Variants in ZFP64 observed in about 807,000 individuals in gnomAD.
ZFP64 encodes the protein zinc finger protein 64.
A neutral mutation model predicts 51.6 loss-of-function variants in ZFP64; 14 were observed. The observed-to-expected ratio is 0.27, with a 90% CI of 0.18 to 0.42. ZFP64 has a LOEUF of 0.42. Among genes scored for constraint, ZFP64 ranks in the 10% least tolerant of loss-of-function variants. ZFP64 has a pLI of 1.00. For synonymous variants in ZFP64, 375 were observed against 361.4 expected (o/e 1.04, Z -0.43); for missense variants, 754 against 906.8 (o/e 0.83, Z 2.16).
intron 8 of ZFP64, among the ~76,000 whole-genome samples, chr20:52,086,846 A>G (rs894848490): frequency 2.6e-5 from 4 of 152,192 alleles, no homozygotes. Flanking sequence ...TTTCTATACA[A>G]GTATCAGCCT....
intron 2 of ZFP64, among the ~76,000 whole-genome samples, chr20:52,176,976 C>T (rs565182185): frequency 1.5e-3 from 235 of 152,298 alleles, no homozygotes; most frequent in Non-Finnish European, 2.8e-3. Context: ...TTGCCCTATA[C>T]TGGGACTTCA....
intron 6 of ZFP64, among the ~76,000 whole-genome samples, chr20:52,097,871 C>G (rs925040676): frequency 3.8e-4 from 57 of 149,946 alleles, no homozygotes; most frequent in Non-Finnish European, 7.4e-5. Context: ...AAGTTTGAGA[C>G]CAGCCTGGGT....
chr20:52,097,517 C>T (rs2079002535), intron 6 of ZFP64: 2 of 1,324,686 alleles, frequency 1.5e-6, no homozygotes, highest in Non-Finnish European at 1.0e-6. Context: ...TGCAGTGGCT[C>T]CATCTCGGCT....
In ZFP64 at chr20:52,101,123, A is replaced by G. The variant is rs1166367656; in HGVS notation, c.764-2536T>C. 2.0e-5 allele frequency among the ~76,000 whole-genome samples: 3 copies of G among 152,192 alleles called. No homozygotes were observed. In the East Asian group the frequency reaches 5.8e-4, roughly 29 times the overall value. Reference sequence around the variant, plus strand: ...GGCCAGGGATGCTGCTAGACATCCTATAGGGCATAGGACAGCCCCCACAAG... The same window carrying G: ...GGCCAGGGATGCTGCTAGACATCCTGTAGGGCATAGGACAGCCCCCACAAG... On this transcript the variant is annotated intron_variant, in intron 5 of 8. Transcript: ENST00000361387.
chr20:52,189,165 C>T (rs917534659), intron 1 of ZFP64, among the ~76,000 whole-genome samples: 1 of 151,970 alleles, frequency 6.6e-6, no homozygotes, highest in Non-Finnish European at 1.5e-5. Context: ...CTTTGGGAAG[C>T]CGAGATGGGT....
chr20:52,105,164 G>A (rs376649924), intron 5 of ZFP64: 518 of 1,450,982 alleles, frequency 3.6e-4, no homozygotes, highest in Non-Finnish European at 4.4e-4. Context: ...GGCCACCTCC[G>A]CACACTCCCG....
At chr20:52,111,073 C>T (rs1017955589) in intron 5 of ZFP64, 8 of 1,154,624 alleles carry the variant, frequency 6.9e-6, no homozygotes, top group Non-Finnish European at 1.0e-5. Flanking sequence ...GAGCAGGAAG[C>T]CCAGGAGAAG....
rs1171060190 is a variant in ZFP64, at chr20:52,102,135, C to A, written c.764-3548G>T. 5.2e-5 allele frequency among the ~76,000 whole-genome samples: 6 copies of A among 115,756 alleles called. No homozygotes were observed. The East Asian group carries it at 1.2e-3, about 24-fold the overall frequency. The allele number at this position is 115,756 out of a possible 152,430, so 75.9% of individuals were successfully genotyped here. On this transcript the variant is annotated intron_variant, in intron 5 of 8. Coordinates refer to the ZFP64 transcript ENST00000361387. The stretch of plus-strand genomic sequence containing the variant: ...AAAAAAAAAAAAAAAAGGCAGCAGT[C>A]TCAGGCCCTACTCCAGACTTACAGA...
Position 52,151,647 on chromosome 20 carries a change from T to C in ZFP64, c.*499A>G. 1 of 990,804 alleles carries C rather than the reference T, an allele frequency of 1.0e-6. No homozygotes were observed. The highest frequency in any genetic ancestry group is 1.2e-6 in the Non-Finnish European group (1 of 832,832). 61.4% of individuals were successfully genotyped at this position (990,804 alleles called of 1,614,324 possible). A position where few individuals can be genotyped will look rare whatever the true frequency, so the allele number is the denominator to read the frequency against. On this transcript the variant is annotated 3_prime_UTR_variant, in exon 6 of 6. Transcript: ENST00000216923. Reference sequence around the variant, plus strand: ...TTCTACAACAGTTATAATGCGACGATTCAGAGGTGGTCTCAAAGTTGTTAC... The same window carrying C: ...TTCTACAACAGTTATAATGCGACGACTCAGAGGTGGTCTCAAAGTTGTTAC...
At chr20:52,132,901 T>TA (rs1979790766) in intron 5 of ZFP64, among the ~76,000 whole-genome samples, 2 of 127,150 alleles carry the variant, frequency 1.6e-5, no homozygotes, top group African/African-American at 5.4e-5. Context: ...CAAAAACACA[T>TA]CAAAAAAAAG....
chr20:52,151,058 T>A (rs771933056), downstream of ZFP64, among the ~76,000 whole-genome samples: 2 of 152,208 alleles, frequency 1.3e-5, no homozygotes, highest in African/African-American at 2.4e-5. Context: ...ATGCCAGGAT[T>A]GTCAGTCTGA....
At chr20:52,186,725 A>G (rs1445107058) in intron 2 of ZFP64, 107 bp downstream of exon 2, 5 of 1,459,962 alleles carry the variant, frequency 3.4e-6, no homozygotes, top group Non-Finnish European at 4.6e-6. Flanking sequence ...TGAATCAGCA[A>G]CCCTAGGGGG....
At chr20:52,098,286 C>T (rs547015044) in intron 6 of ZFP64, 50 of 1,052,674 alleles carry the variant, frequency 4.7e-5, no homozygotes, top group Admixed American at 1.4e-4. Flanking sequence ...GCCTCTTAGG[C>T]CCCCCAGGGA....
intron 5 of ZFP64, among the ~76,000 whole-genome samples, chr20:52,130,650 T>A (rs906919786): frequency 1.3e-5 from 2 of 152,198 alleles, no homozygotes; most frequent in African/African-American, 4.8e-5. Context: ...TCAGGAAACA[T>A]TTATCAAACT....
chr20:52,157,864 C>T (rs1301001804), intron 5 of ZFP64, among the ~76,000 whole-genome samples: 1 of 152,124 alleles, frequency 6.6e-6, no homozygotes, highest in Non-Finnish European at 1.5e-5. Flanking sequence ...GTTCCCCTCC[C>T]TGTGTCCACA....
At chr20:52,088,416 T>C (rs1407598813) in exon 8 of ZFP64, 10 of 1,613,856 alleles carry the variant, frequency 6.2e-6, no homozygotes, top group Non-Finnish European at 8.5e-6. Flanking sequence ...AGGTGGACGG[T>C]GAGCTGGCTG....
intron 7 of ZFP64, among the ~76,000 whole-genome samples, chr20:52,093,808 G>A (rs2078955453): frequency 6.6e-6 from 1 of 152,200 alleles, no homozygotes; most frequent in Non-Finnish European, 1.5e-5. Flanking sequence ...TTCTGATTCA[G>A]TAGGTCTACG....
At chr20:52,161,445 GCTTT>G (rs1216295653) in intron 4 of ZFP64, among the ~76,000 whole-genome samples, 1 of 128,816 alleles carries the variant, frequency 7.8e-6, no homozygotes, top group African/African-American at 3.1e-5. Context: ...TCTTGTGATT[GCTTT>G]CTTTTTTTTT....
intron 5 of ZFP64, among the ~76,000 whole-genome samples, chr20:52,120,537 A>C (rs1268078090): frequency 1.3e-5 from 2 of 151,928 alleles, no homozygotes; most frequent in Non-Finnish European, 2.9e-5. Context: ...TCAACCCTGC[A>C]TCCAGCAAGT....
Sources: allele counts gnomAD v4.1 joint callset (sites outside exome capture counted in the v4.1 genomes callset), GRCh38; gene constraint gnomAD v4.1.1; transcripts MANE v1.5; gene names NCBI Gene and HGNC (gene_info 2026-07-23, HGNC 2026-07-21).